TSPEAR: variants seen among roughly 807,000 people sequenced by gnomAD.
TSPEAR encodes the protein thrombospondin-type laminin G domain and EAR repeat-containing protein.
In TSPEAR, 69 loss-of-function variants were observed where a neutral mutation model predicts 71.6. The observed-to-expected ratio is 0.96, with a 90% CI of 0.79 to 1.18. The LOEUF (loss-of-function observed/expected upper bound fraction) is 1.18, where lower values mean the gene tolerates loss of function less well. Ranked by LOEUF, TSPEAR falls within the 50% of genes most tolerant of loss-of-function variation. The pLI, the probability that TSPEAR is intolerant of heterozygous loss-of-function variation, is 0.00. For synonymous variants in TSPEAR, 402 were observed against 387.2 expected (o/e 1.04, Z -0.45); for missense variants, 971 against 894.9 (o/e 1.09, Z -1.09).
chr21:44,677,285 C>T (rs587623148), intron 1 of TSPEAR: 17 of 784,378 alleles, frequency 2.2e-5, no homozygotes, highest in East Asian at 4.9e-5. Flanking sequence ...GTTCCTTCAA[C>T]GCACCTTGCA....
chr21:44,539,610 G>C, intron 2 of TSPEAR: 1 of 1,613,750 alleles, frequency 6.2e-7, no homozygotes, highest in Admixed American at 1.7e-5. Context: ...CAGCAGGCCT[G>C]CTGGCAGGGG....
intron 2 of TSPEAR, chr21:44,551,412 G>C (rs781806683): frequency 6.2e-6 from 10 of 1,613,296 alleles, no homozygotes; most frequent in Non-Finnish European, 7.6e-6. Context: ...CACCTGCCAG[G>C]AGTTGGTGCA....
At chr21:44,587,091 G>A (rs1174607601) in intron 1 of TSPEAR, among the ~76,000 whole-genome samples, 3 of 152,240 alleles carry the variant, frequency 2.0e-5, no homozygotes, top group Admixed American at 2.0e-4. Context: ...TACAGAGGAA[G>A]TCAAACTGTC....
chr21:44,557,131 G>A lies in TSPEAR; in HGVS notation c.303+10654C>T, dbSNP rs587716542. Among the ~76,000 whole-genome samples, 8 of 152,292 alleles carry A rather than the reference G, an allele frequency of 5.3e-5. No individual in the cohort carries two copies. In the East Asian group the frequency reaches 5.8e-4, roughly 11 times the overall value. ...TGCGGCCGGCATAATGTGACGCCACGCATCTCATTCCTGTTGGTGACAAAG... is the reference window on the plus strand; with the variant it reads ...TGCGGCCGGCATAATGTGACGCCACACATCTCATTCCTGTTGGTGACAAAG... On this transcript the variant is annotated intron_variant, in intron 2 of 11. Coordinates refer to ENST00000323084, the MANE Select transcript of TSPEAR (RefSeq NM_144991.3).
intron 1 of TSPEAR, among the ~76,000 whole-genome samples, chr21:44,568,331 A>C (rs1339643424): frequency 6.6e-6 from 1 of 152,152 alleles, no homozygotes; most frequent in Non-Finnish European, 1.5e-5. Flanking sequence ...TGCGGGACGA[A>C]GGAAGGAACG....
chr21:44,659,812 C>G (rs12329668), intron 1 of TSPEAR, among the ~76,000 whole-genome samples: 8,796 of 152,164 alleles, frequency 0.058, 267 homozygotes, highest in Middle Eastern at 0.092. Flanking sequence ...AAAGTAAAAT[C>G]ACACAGGTGT....
intron 1 of TSPEAR, among the ~76,000 whole-genome samples, chr21:44,624,707 C>T (rs908620363): frequency 6.6e-6 from 1 of 152,178 alleles, no homozygotes; most frequent in East Asian, 1.9e-4. Flanking sequence ...AGAATCCCTC[C>T]TCCTTGTCAG....
intron 2 of TSPEAR, chr21:44,539,185 G>T: frequency 1.4e-6 from 2 of 1,477,962 alleles, no homozygotes; most frequent in Non-Finnish European, 1.8e-6. Context: ...CAGCACAGGG[G>T]AGACACGGGG....
chr21:44,703,504 C>T (rs968470259), intron 1 of TSPEAR, among the ~76,000 whole-genome samples: 2 of 152,236 alleles, frequency 1.3e-5, no homozygotes, highest in Non-Finnish European at 2.9e-5. Context: ...GCAGGGCCCT[C>T]TGCAGGCACA....
chr21:44,558,807 T>C, intron 2 of TSPEAR: 3 of 1,491,580 alleles, frequency 2.0e-6, no homozygotes, highest in Non-Finnish European at 2.7e-6. Context: ...GCCAGGCCTC[T>C]GAGTGGTCGG....
At chr21:44,607,948 C>T (rs946399624) in intron 1 of TSPEAR, among the ~76,000 whole-genome samples, 3 of 152,122 alleles carry the variant, frequency 2.0e-5, no homozygotes, top group East Asian at 1.9e-4. Flanking sequence ...ATGTGTCCAT[C>T]GACACATGGG....
rs781981933 is a variant in TSPEAR at position 44,528,533 on chromosome 21, C to T, written c.841G>A (p.Glu281Lys). Residue 281 changes from glutamate to lysine, a missense_variant, in exon 6 of 12, where the codon GAA becomes AAA. Physicochemically the swap from Glu to Lys is moderately conservative, Grantham distance 56. Coordinates refer to ENST00000323084, the MANE Select transcript of TSPEAR (RefSeq NM_144991.3). ...LGPQPPCTEV[E>K]DAQFWFDASR... is the part of the protein sequence containing the mutation. ...GCATCAAACCAGAACTGGGCGTCTT[C>T]CACCTCGGTACACGGTGGCTGGGGT... 24 of 1,614,068 alleles carry T rather than the reference C, an allele frequency of 1.5e-5. No individual in the cohort carries two copies. The South Asian group carries it at 2.1e-4, about 14-fold the overall frequency.
intron 1 of TSPEAR, among the ~76,000 whole-genome samples, chr21:44,636,974 G>A (rs782510882): frequency 1.5e-4 from 23 of 152,174 alleles, no homozygotes; most frequent in Admixed American, 2.6e-4. Flanking sequence ...CCTCCGTCCT[G>A]GCTCTCCCAA....
rs150246805 is a variant in TSPEAR at position 44,646,465 on chromosome 21, G to A, written c.82+64968C>T. The A allele has an allele frequency of 2.8e-4, 453 of 1,606,906 alleles. 2 individuals carry two copies. The African/African-American group carries it at 4.7e-3, about 17-fold the overall frequency. ...ACCTCCTCCCCACCCCAGCATGGCC[G>A]CGTCCACCATGTCTGTCTGCTCCAG... On this transcript the variant is annotated intron_variant, in intron 1 of 11. Coordinates refer to ENST00000323084, the MANE Select transcript of TSPEAR (RefSeq NM_144991.3).
chr21:44,697,035 CT>C, intron 1 of TSPEAR: 45 of 1,003,634 alleles, frequency 4.5e-5, no homozygotes, highest in East Asian at 1.4e-4. Context: ...CGCTCACTCA[CT>C]CCCTCCCTCC....
Position 44,528,597 on chromosome 21 carries a change from C to T in TSPEAR, c.791-14G>A, listed in dbSNP as rs199699551. 1 of 1,612,610 alleles carries T rather than the reference C, an allele frequency of 6.2e-7. No homozygotes were observed. The highest frequency in any genetic ancestry group is 8.5e-7 in the Non-Finnish European group (1 of 1,179,404). Reference sequence around the variant, plus strand: ...GAATGTTGGTTTCTGAGGGGAAGACCAGGAAGATGAGTTTCCAGCAAGCCA... The same window carrying T: ...GAATGTTGGTTTCTGAGGGGAAGACTAGGAAGATGAGTTTCCAGCAAGCCA... On this transcript the variant is annotated splice_polypyrimidine_tract_variant and intron_variant, in intron 5 of 11. Transcript: ENST00000323084.
intron 1 of TSPEAR, chr21:44,591,519 G>C (rs371252868): frequency 1.8e-5 from 28 of 1,578,788 alleles, no homozygotes; most frequent in Non-Finnish European, 9.5e-6. Context: ...AGGCACCACA[G>C]GAGGGGACGG....
At position 44,638,021 on chromosome 21, in the gene TSPEAR, T is replaced by G. The variant is rs1025222076; in HGVS notation, c.83-70016A>C. The G allele has an allele frequency of 6.2e-6, 10 of 1,613,274 alleles. No individual in the cohort carries two copies. The Admixed American group carries it at 1.0e-4, about 16-fold the overall frequency. ...CTGCCACCCTGTGTGCAAGTCCACC[T>G]GCTGCGTGCCCGTCCCCTCCTGCGG... On this transcript the variant is annotated intron_variant, in intron 1 of 11. Coordinates refer to ENST00000323084, the MANE Select transcript of TSPEAR (RefSeq NM_144991.3).
At chr21:44,517,618 C>T in intron 9 of TSPEAR, 1 of 380,946 alleles carries the variant, frequency 2.6e-6, no homozygotes, top group South Asian at 1.9e-5. Flanking sequence ...CTGCTTCCCA[C>T]CGTGTGTGCT....
Sources: gnomAD v4.1 joint callset for allele counts (sites outside exome capture counted in the v4.1 genomes callset) on GRCh38, gnomAD v4.1.1 for gene constraint, MANE v1.5 for transcripts, NCBI Gene and HGNC (gene_info 2026-07-23, HGNC 2026-07-21) for gene names.